The following RHOT1 variants were observed in gnomAD, a reference collection of about 807,000 sequenced individuals.
The protein encoded by RHOT1 is mitochondrial Rho GTPase 1.
In RHOT1, 27 loss-of-function variants were observed where a neutral mutation model predicts 95.3. That is an observed-to-expected ratio of 0.28 (90% confidence interval 0.21 to 0.39). RHOT1 has a LOEUF of 0.39. RHOT1 is among the 10% of genes least tolerant of loss of function. RHOT1 has a pLI of 1.00. For synonymous variants in RHOT1, 227 were observed against 263.5 expected (o/e 0.86, Z 1.34); for missense variants, 578 against 786.7 (o/e 0.73, Z 3.17).
At chr17:32,164,109 C>G (rs774847094) in intron 1 of RHOT1, among the ~76,000 whole-genome samples, 4 of 152,076 alleles carry the variant, frequency 2.6e-5, no homozygotes, top group African/African-American at 7.2e-5. Context: ...GAACCAAGAT[C>G]GCGCCACTGC....
intron 18 of RHOT1, chr17:32,209,257 T>G: frequency 1.7e-6 from 1 of 578,378 alleles, no homozygotes; most frequent in Non-Finnish European, 2.8e-6. Flanking sequence ...TCTATTTGTA[T>G]TCGAAGACAA....
intron 1 of RHOT1, among the ~76,000 whole-genome samples, 197 bp from the exon 2 acceptor site, chr17:32,170,846 T>G (rs2034516351): frequency 6.6e-6 from 1 of 152,212 alleles, no homozygotes; most frequent in Non-Finnish European, 1.5e-5. Flanking sequence ...ACAGAATATA[T>G]TTTGGCAAGT....
intron 19 of RHOT1, among the ~76,000 whole-genome samples, chr17:32,217,739 C>A (rs1275839902): frequency 6.7e-6 from 1 of 148,984 alleles, no homozygotes; most frequent in Non-Finnish European, 1.5e-5. Context: ...TGGTGACAGA[C>A]CAAGACTCCA....
chr17:32,217,445 A>C (rs1359523171), intron 19 of RHOT1, among the ~76,000 whole-genome samples: 1 of 152,184 alleles, frequency 6.6e-6, no homozygotes, highest in African/African-American at 2.4e-5. Context: ...CAGTAGTGGC[A>C]TTATTTTTAA....
At chr17:32,217,398 CAGTT>C (rs570354112) in intron 19 of RHOT1, among the ~76,000 whole-genome samples, 238 of 152,148 alleles carry the variant, frequency 1.6e-3, no homozygotes, top group African/African-American at 5.4e-3. Context: ...CCTATTGGCT[CAGTT>C]AGGAGAATTG....
chr17:32,152,888 C>T (rs1030038507), intron 1 of RHOT1, among the ~76,000 whole-genome samples: 2 of 151,738 alleles, frequency 1.3e-5, no homozygotes, highest in African/African-American at 4.8e-5. Flanking sequence ...ACTGTAGCTT[C>T]GACTTCCTGG....
intron 6 of RHOT1, among the ~76,000 whole-genome samples, chr17:32,180,236 GAA>G (rs1293651995): frequency 1.5e-4 from 23 of 152,198 alleles, no homozygotes; most frequent in African/African-American, 5.1e-4. Context: ...GTGGGGAAAA[GAA>G]AGAGAGATCA....
intron 1 of RHOT1, among the ~76,000 whole-genome samples, chr17:32,169,149 A>T (rs143686420): frequency 6.6e-6 from 1 of 152,186 alleles, no homozygotes; most frequent in East Asian, 1.9e-4. Context: ...TGTTCCAGAC[A>T]TTCATTATTT....
rs1291705697 is a variant in RHOT1 at position 32,211,466 on chromosome 17, TG to T, written c.1862+229del. The T allele has an allele frequency of 1.3e-4, 43 of 331,036 alleles. No individual in the cohort carries two copies. The South Asian group carries it at 2.3e-3, about 18-fold the overall frequency. The allele number at this position is 331,036 out of a possible 1,614,324, so 20.5% of individuals were successfully genotyped here. A position where few individuals can be genotyped will look rare whatever the true frequency, so the allele number is the denominator to read the frequency against. On this transcript the variant is annotated intron_variant, in intron 19 of 19. Coordinates refer to ENST00000545287, the MANE Select transcript of RHOT1 (RefSeq NM_001033566.3). ...GAGGACTATAAAATAAGATTTTGGA[TG>T]TTTTTTTCATAAGGAAGATAAATTA...
intron 1 of RHOT1, among the ~76,000 whole-genome samples, chr17:32,167,136 C>T (rs2034156046): frequency 6.6e-6 from 1 of 152,134 alleles, no homozygotes; most frequent in African/African-American, 2.4e-5. Context: ...TGTACGTCTC[C>T]ATCTGAGCTC....
intron 14 of RHOT1, among the ~76,000 whole-genome samples, chr17:32,201,939 GTCTC>G (rs941879060): frequency 5.9e-5 from 9 of 151,994 alleles, no homozygotes; most frequent in African/African-American, 1.9e-4. Flanking sequence ...TTGAGATGGA[GTCTC>G]TCTCTATCAC....
chr17:32,149,635 A>ATATGTGTGTGTGTG (rs1445281403), intron 1 of RHOT1, among the ~76,000 whole-genome samples: 77 of 59,016 alleles, frequency 1.3e-3, no homozygotes, highest in Non-Finnish European at 2.2e-3. Context: ...ATATATATAT[A>ATATGTGTGTGTGTG]TGTGTGTGTG....
chr17:32,149,617 A>ATG (rs1290539388), intron 1 of RHOT1, among the ~76,000 whole-genome samples: 5 of 83,670 alleles, frequency 6.0e-5, no homozygotes, highest in African/African-American at 1.9e-4. Flanking sequence ...ATATATATAT[A>ATG]TATATATATA....
At chr17:32,176,715 G>T (rs2035038217) in intron 6 of RHOT1, among the ~76,000 whole-genome samples, 1 of 151,902 alleles carries the variant, frequency 6.6e-6, no homozygotes, top group Non-Finnish European at 1.5e-5. Flanking sequence ...TGGGACTGCA[G>T]GCATGTACCA....
intron 19 of RHOT1, chr17:32,222,784 G>A: frequency 1.1e-6 from 1 of 877,612 alleles, no homozygotes; most frequent in Non-Finnish European, 1.4e-6. Context: ...AGCTGAGTGG[G>A]GTGCCATGCT....
chr17:32,152,100 T>TA (rs1367422991), intron 1 of RHOT1, among the ~76,000 whole-genome samples: 12 of 152,340 alleles, frequency 7.9e-5, no homozygotes, highest in African/African-American at 2.9e-4. Flanking sequence ...TAGTGACTGA[T>TA]ACAAATAACT....
chr17:32,225,183 A>G lies in RHOT1; in HGVS notation c.*450A>G, dbSNP rs1282398117. On this transcript the variant is annotated 3_prime_UTR_variant, in exon 20 of 20. Coordinates refer to ENST00000545287, the MANE Select transcript of RHOT1 (RefSeq NM_001033566.3). Reference sequence around the variant, plus strand: ...GATCCTTTGGGTTCTATAAGGACATAAGGTACAATTTGCCATTGTCTCTCC... The same window carrying G: ...GATCCTTTGGGTTCTATAAGGACATGAGGTACAATTTGCCATTGTCTCTCC... 1 of 154,336 alleles carries G rather than the reference A, an allele frequency of 6.5e-6. No individual in the cohort carries two copies. Among genetic ancestry groups the G allele is most frequent in the African/African-American group, 2.4e-5 (1 of 41,460 alleles). The allele number at this position is 154,336 out of a possible 1,614,324, so 9.6% of individuals were successfully genotyped here. A position where few individuals can be genotyped will look rare whatever the true frequency, so the allele number is the denominator to read the frequency against.
chr17:32,152,122 G>A (rs2032382854), intron 1 of RHOT1, among the ~76,000 whole-genome samples: 4 of 152,124 alleles, frequency 2.6e-5, no homozygotes, highest in Admixed American at 2.6e-4. Context: ...AAACAGAATT[G>A]CCCCCACTCT....
rs534367232 is a variant in RHOT1 at position 32,220,997 on chromosome 17, T to C, written c.1863-3619T>C. ...TAAGATACTATAAGTTATTCTAAGA[T>C]GATATTTTCTATAAGTCATTTTGAA... On this transcript the variant is annotated intron_variant, in intron 19 of 19. Transcript: ENST00000545287. The C allele has an allele frequency of 4.4e-4, 350 of 801,396 alleles. 7 individuals are homozygous for C. In the Middle Eastern group the frequency reaches 6.3e-3, roughly 14 times the overall value. The allele number at this position is 801,396 out of a possible 1,614,324, so 49.6% of individuals were successfully genotyped here.
Sources: gnomAD v4.1 joint callset for allele counts (sites outside exome capture counted in the v4.1 genomes callset) on GRCh38, gnomAD v4.1.1 for gene constraint, MANE v1.5 for transcripts, NCBI Gene and HGNC (gene_info 2026-07-23, HGNC 2026-07-21) for gene names.